Variants in BMP7 observed in about 807,000 individuals in gnomAD.
The protein encoded by BMP7 is osteogenic protein 1.
A neutral mutation model predicts 41.2 loss-of-function variants in BMP7; 12 were observed. That is an observed-to-expected ratio of 0.29 (90% confidence interval 0.19 to 0.47). The LOEUF is 0.47. Ranked by LOEUF, BMP7 falls within the 20% of genes least tolerant of loss-of-function variation. The pLI is 0.99. For missense variants in BMP7, 467 were observed against 606.0 expected, an observed-to-expected ratio of 0.77 and a Z score of 2.41; for synonymous variants, 248 against 250.0, an observed-to-expected ratio of 0.99 and a Z score of 0.07.
intron 3 of BMP7, among the ~76,000 whole-genome samples, chr20:57,185,265 T>C (rs1332753257): frequency 6.6e-6 from 1 of 152,238 alleles, no homozygotes; most frequent in Non-Finnish European, 1.5e-5. Context: ...GAAATGATTA[T>C]AGATTCACAG....
At chr20:57,201,822 C>G (rs6099497) in intron 3 of BMP7, among the ~76,000 whole-genome samples, 1 of 152,176 alleles carries the variant, frequency 6.6e-6, no homozygotes, top group Non-Finnish European at 1.5e-5. Flanking sequence ...ACTCACCATC[C>G]TTCCTTCTTC....
At chr20:57,179,050 CA>C (rs1157595782) in intron 4 of BMP7, among the ~76,000 whole-genome samples, 1 of 152,236 alleles carries the variant, frequency 6.6e-6, no homozygotes, top group African/African-American at 2.4e-5. Flanking sequence ...AGGCCGAGCA[CA>C]GCTCATGAAG....
chr20:57,186,611 C>T (rs1045095215), intron 3 of BMP7, among the ~76,000 whole-genome samples: 1 of 152,108 alleles, frequency 6.6e-6, no homozygotes, highest in Admixed American at 6.5e-5. Context: ...GTGAGGATGA[C>T]GGGGAGTTGG....
chr20:57,183,957 A>C (rs753779947), intron 3 of BMP7, 38 bp from the exon 4 acceptor site: 1 of 1,607,176 alleles, frequency 6.2e-7, no homozygotes, highest in Non-Finnish European at 8.5e-7. Flanking sequence ...AAGAGTAGTT[A>C]CAGGAGGGCC....
Position 57,222,351 on chromosome 20 carries a change from C to T in BMP7, c.611+5878G>A, listed in dbSNP as rs904508426. Among the ~76,000 whole-genome samples the T allele has an allele frequency of 2.6e-4, 40 of 152,176 alleles. 2 individuals are homozygous for T. The highest frequency in any genetic ancestry group is 2.3e-3 in the Admixed American group (35 of 15,282). ...CTCAGGCCACAGGACAGGAAGCCAACGGGCATTTGGCCCCCAGATGCTGAG... is the reference window on the plus strand; with the variant it reads ...CTCAGGCCACAGGACAGGAAGCCAATGGGCATTTGGCCCCCAGATGCTGAG... On this transcript the variant is annotated intron_variant, in intron 2 of 6. Coordinates refer to ENST00000395863, the MANE Select transcript of BMP7 (RefSeq NM_001719.3).
At chr20:57,230,519 C>A (rs1306263718) in intron 1 of BMP7, among the ~76,000 whole-genome samples, 2 of 151,620 alleles carry the variant, frequency 1.3e-5, no homozygotes, top group African/African-American at 4.8e-5. Flanking sequence ...GAGGCATGCA[C>A]CTGAGACCCA....
intron 1 of BMP7, among the ~76,000 whole-genome samples, chr20:57,250,160 G>A (rs1600643642): frequency 6.6e-6 from 1 of 152,122 alleles, no homozygotes; most frequent in Non-Finnish European, 1.5e-5. Context: ...GCCAGGTGCA[G>A]TAACTCACAC....
intron 2 of BMP7, among the ~76,000 whole-genome samples, chr20:57,222,962 G>A (rs1050955596): frequency 2.0e-5 from 3 of 151,904 alleles, no homozygotes; most frequent in South Asian, 2.1e-4. Context: ...CTACACTTTG[G>A]GCTCAGTCTC....
chr20:57,210,153 C>T (rs777241259), intron 2 of BMP7, among the ~76,000 whole-genome samples: 2 of 152,216 alleles, frequency 1.3e-5, no homozygotes, highest in Non-Finnish European at 2.9e-5. Flanking sequence ...TCTCCCATAG[C>T]CCTGCTCTGC....
intron 2 of BMP7, among the ~76,000 whole-genome samples, chr20:57,220,409 C>A (rs770846547): frequency 3.9e-5 from 6 of 152,202 alleles, no homozygotes; most frequent in African/African-American, 9.7e-5. Flanking sequence ...AATATTAATT[C>A]TCTTTGTCTC....
intron 1 of BMP7, among the ~76,000 whole-genome samples, chr20:57,234,473 G>A (rs1235381635): frequency 1.3e-5 from 2 of 152,212 alleles, no homozygotes; most frequent in Non-Finnish European, 2.9e-5. Flanking sequence ...CCTTCCTGAA[G>A]TTTGGGGTTT....
intron 1 of BMP7, among the ~76,000 whole-genome samples, chr20:57,240,555 C>T (rs2066064803): frequency 6.6e-6 from 1 of 152,196 alleles, no homozygotes; most frequent in African/African-American, 2.4e-5. Context: ...CTCAGCAATG[C>T]CCCACTTTAC....
intron 1 of BMP7, among the ~76,000 whole-genome samples, chr20:57,234,200 T>C (rs571265386): frequency 6.6e-6 from 1 of 152,162 alleles, no homozygotes; most frequent in African/African-American, 2.4e-5. Context: ...TTCTCCCCAG[T>C]TGAGGGATGG....
chr20:57,173,170 G>T, intron 6 of BMP7, 30 bp downstream of exon 6: 2 of 1,604,258 alleles, frequency 1.2e-6, no homozygotes, highest in Non-Finnish European at 1.7e-6. Flanking sequence ...CGGCCCAGGT[G>T]ACCACACCCC....
intron 1 of BMP7, among the ~76,000 whole-genome samples, chr20:57,249,291 T>C (rs2123140364): frequency 6.6e-6 from 1 of 152,054 alleles, no homozygotes; most frequent in South Asian, 2.1e-4. Flanking sequence ...TTCTAGTGTT[T>C]GAAGGCAAGT....
intron 1 of BMP7, among the ~76,000 whole-genome samples, chr20:57,237,646 A>G (rs2066052865): frequency 6.6e-6 from 1 of 152,240 alleles, no homozygotes; most frequent in Admixed American, 6.5e-5. Flanking sequence ...TCTCTTAATA[A>G]CATGAGCAGC....
Position 57,228,215 on chromosome 20 carries a change from C to T in BMP7, c.611+14G>A, listed in dbSNP as rs758994524. 1.5e-4 allele frequency: 239 copies of T among 1,612,422 alleles called. No homozygotes were observed. Among genetic ancestry groups the T allele is most frequent in the South Asian group, 2.9e-4 (26 of 90,994 alleles). On this transcript the variant is annotated intron_variant, in intron 2 of 6. Coordinates refer to ENST00000395863, the MANE Select transcript of BMP7 (RefSeq NM_001719.3). The surrounding 1 kb of genome is among the most constrained non-coding windows in gnomAD (Gnocchi z 4.5). The stretch of plus-strand genomic sequence containing the variant: ...AAACTCAGCACCTCTCCCAGATACC[C>T]GTATAGCACCCACCTGCCCAAGTGC...
intron 1 of BMP7, among the ~76,000 whole-genome samples, chr20:57,256,389 G>T (rs6070036): frequency 0.076 from 11,580 of 152,196 alleles, 610 homozygotes; most frequent in Non-Finnish European, 0.11. Flanking sequence ...TCATGATAGC[G>T]TGGTGTCATC....
At position 57,190,259 on chromosome 20, in the gene BMP7, G is replaced by C. The variant is rs115509147; in HGVS notation, c.761-6340C>G. Among the ~76,000 whole-genome samples the C allele has an allele frequency of 9.0e-3, 1,354 of 150,732 alleles. 16 individuals carry two copies. The highest frequency in any genetic ancestry group is 0.032 in the African/African-American group (1,300 of 40,484). ...GAGAGTGACCGAGGAACCAGAGGAG[G>C]TGAGGCTGGAGAGAGTGAGCCAGGA... On this transcript the variant is annotated intron_variant, in intron 3 of 6. Transcript: ENST00000395863.
Sources: allele counts gnomAD v4.1 joint callset (sites outside exome capture counted in the v4.1 genomes callset), GRCh38; gene constraint gnomAD v4.1.1; non-coding constraint Gnocchi (gnomAD v3.1); transcripts MANE v1.5; gene names NCBI Gene and HGNC (gene_info 2026-07-23, HGNC 2026-07-21).